The following DOCK3 variants were observed in gnomAD, a reference collection of about 807,000 sequenced individuals.
The protein encoded by DOCK3 is dedicator of cytokinesis 3.
Under a neutral mutation model 265.6 loss-of-function variants are expected in DOCK3, and 60 were observed. The ratio of observed to expected loss-of-function variants is 0.23; its 90% CI spans 0.18 to 0.28. The LOEUF (loss-of-function observed/expected upper bound fraction) is 0.28. DOCK3 is among the 10% of genes least tolerant of loss of function. DOCK3 has a pLI of 1.00. For missense variants in DOCK3, 1,981 were observed against 2,594.3 expected, an observed-to-expected ratio of 0.76 and a Z score of 5.14; for synonymous variants, 881 against 938.0, an observed-to-expected ratio of 0.94 and a Z score of 1.11.
chr3:50,699,267 G>A (rs937062857), intron 1 of DOCK3, among the ~76,000 whole-genome samples: 3 of 152,044 alleles, frequency 2.0e-5, no homozygotes, highest in African/African-American at 7.2e-5. Context: ...CTGTTTCACT[G>A]GTCTATTTGT....
chr3:50,841,533 A>G (rs2045826297), intron 2 of DOCK3, 142 bp from the exon 3 acceptor site: 1 of 305,228 alleles, frequency 3.3e-6, no homozygotes, highest in Non-Finnish European at 6.6e-6. Context: ...GTAAGCTGCT[A>G]TGACAACTCT....
intron 2 of DOCK3, among the ~76,000 whole-genome samples, chr3:50,830,631 T>C (rs1205269400): frequency 6.6e-6 from 1 of 152,190 alleles, no homozygotes; most frequent in Non-Finnish European, 1.5e-5. Context: ...TGGCCTGATC[T>C]GTATAGAGGC....
chr3:50,988,981 C>A (rs1334719285), intron 5 of DOCK3, among the ~76,000 whole-genome samples: 2 of 152,092 alleles, frequency 1.3e-5, no homozygotes. Flanking sequence ...CACCCTCGGA[C>A]TAAAAAAGAA....
chr3:50,797,439 G>A (rs2042850077), intron 2 of DOCK3, among the ~76,000 whole-genome samples: 1 of 152,220 alleles, frequency 6.6e-6, no homozygotes, highest in African/African-American at 2.4e-5. Flanking sequence ...CTGCACTGGT[G>A]GTTCAGCTGT....
intron 21 of DOCK3, among the ~76,000 whole-genome samples, chr3:51,241,040 T>C (rs959646633): frequency 4.6e-5 from 7 of 152,218 alleles, no homozygotes; most frequent in African/African-American, 1.7e-4. Context: ...TGTGTACTTG[T>C]GTGTTTTTGT....
intron 4 of DOCK3, chr3:50,901,080 C>A (rs1361380263): frequency 1.1e-5 from 3 of 281,188 alleles, no homozygotes; most frequent in South Asian, 6.0e-5. Context: ...CCTGCTGCCG[C>A]CCCTTCCCCT....
chr3:51,171,215 T>G (rs4378999), intron 12 of DOCK3, among the ~76,000 whole-genome samples: 1 of 152,158 alleles, frequency 6.6e-6, no homozygotes, highest in South Asian at 2.1e-4. Context: ...TCTGCATGCC[T>G]TAAGTCTTGA....
chr3:51,236,746 G>A (rs1198931334), intron 20 of DOCK3, among the ~76,000 whole-genome samples: 1 of 152,126 alleles, frequency 6.6e-6, no homozygotes, highest in Non-Finnish European at 1.5e-5. Flanking sequence ...CAAGAAATCA[G>A]ATGGCTCATT....
chr3:51,211,995 A>T (rs2089532974), intron 13 of DOCK3, among the ~76,000 whole-genome samples: 2 of 152,104 alleles, frequency 1.3e-5, no homozygotes. Context: ...CACTTTACTG[A>T]ACTATTCATG....
intron 12 of DOCK3, among the ~76,000 whole-genome samples, chr3:51,178,324 C>T (rs1440082121): frequency 6.6e-6 from 1 of 152,092 alleles, no homozygotes; most frequent in Admixed American, 6.6e-5. Flanking sequence ...GCAAAGTGGC[C>T]TTTCAGGGTT....
At chr3:50,733,223 G>A (rs753722334) in intron 1 of DOCK3, among the ~76,000 whole-genome samples, 42 of 152,182 alleles carry the variant, frequency 2.8e-4, no homozygotes, top group Non-Finnish European at 5.7e-4. Flanking sequence ...GGGATGTTTT[G>A]TATGTCTCTT....
intron 5 of DOCK3, among the ~76,000 whole-genome samples, chr3:50,949,985 A>T (rs2076545705): frequency 6.7e-6 from 1 of 150,304 alleles, no homozygotes; most frequent in African/African-American, 2.4e-5. Flanking sequence ...ATAAGGTTAG[A>T]TACTTAGCTC....
intron 49 of DOCK3, among the ~76,000 whole-genome samples, chr3:51,367,634 G>T (rs530970640): frequency 6.6e-6 from 1 of 152,330 alleles, no homozygotes; most frequent in South Asian, 2.1e-4. Flanking sequence ...GGTACCGGTT[G>T]TTCCTTTCCA....
At chr3:51,143,039 A>C (rs1194719932) in intron 9 of DOCK3, among the ~76,000 whole-genome samples, 2 of 152,058 alleles carry the variant, frequency 1.3e-5, no homozygotes, top group Non-Finnish European at 2.9e-5. Context: ...GGCACAGGCC[A>C]CCATGCCCAG....
rs1261761280 is a variant in DOCK3, at chr3:51,009,657, T to C, written c.316-54791T>C. On this transcript the variant is annotated intron_variant, in intron 5 of 52. Coordinates refer to ENST00000266037, the MANE Select transcript of DOCK3 (RefSeq NM_004947.5). ...ATCTTAGTTGTTTCTTGCCTTCTGCTAGCTTTTGAATGTGTTTGCTCTTTT... is the reference window on the plus strand; with the variant it reads ...ATCTTAGTTGTTTCTTGCCTTCTGCCAGCTTTTGAATGTGTTTGCTCTTTT... 1.3e-5 allele frequency among the ~76,000 whole-genome samples: 2 copies of C among 152,242 alleles called. 1 individual carries two copies. The highest frequency in any genetic ancestry group is 1.3e-4 in the Admixed American group (2 of 15,284).
chr3:51,350,800 C>T (rs897990868), intron 40 of DOCK3, among the ~76,000 whole-genome samples: 2 of 152,202 alleles, frequency 1.3e-5, no homozygotes, highest in Non-Finnish European at 2.9e-5. Flanking sequence ...GGTTTGTCAT[C>T]TAAGATGATG....
intron 5 of DOCK3, among the ~76,000 whole-genome samples, chr3:51,054,483 C>A (rs1194453467): frequency 1.3e-5 from 2 of 152,174 alleles, no homozygotes; most frequent in African/African-American, 4.8e-5. Context: ...TCAGCCAATT[C>A]TTTTAGCCTA....
At chr3:50,825,260 C>A in intron 2 of DOCK3, among the ~76,000 whole-genome samples, 1 of 152,050 alleles carries the variant, frequency 6.6e-6, no homozygotes. Context: ...ATGTCATATA[C>A]CCATAAGGAC....
chr3:51,377,481 G>A (rs1256864549), intron 51 of DOCK3, among the ~76,000 whole-genome samples: 1 of 152,176 alleles, frequency 6.6e-6, no homozygotes, highest in Non-Finnish European at 1.5e-5. Flanking sequence ...AGGTGAGCCT[G>A]CCTTCAGGAC....
Sources: allele counts gnomAD v4.1 joint callset (sites outside exome capture counted in the v4.1 genomes callset), GRCh38; gene constraint gnomAD v4.1.1; transcripts MANE v1.5; gene names NCBI Gene and HGNC (gene_info 2026-07-23, HGNC 2026-07-21).